The following TMBIM6 variants were observed in gnomAD, a reference collection of about 807,000 sequenced individuals.
TMBIM6 encodes the protein transmembrane BAX inhibitor motif containing 6.
In TMBIM6, 13 loss-of-function variants were observed where a neutral mutation model predicts 31.4. The ratio of observed to expected loss-of-function variants is 0.41; its 90% confidence interval spans 0.27 to 0.66. TMBIM6 has a LOEUF of 0.66. Among genes scored for constraint, TMBIM6 ranks in the 30% least tolerant of loss-of-function variants. The pLI, the probability that TMBIM6 is intolerant of heterozygous loss-of-function variation, is 0.28. For synonymous variants in TMBIM6, 85 were observed against 101.7 expected, an observed-to-expected ratio of 0.84 and a Z score of 0.99; for missense variants, 275 against 289.5, an observed-to-expected ratio of 0.95 and a Z score of 0.36.
intron 4 of TMBIM6, among the ~76,000 whole-genome samples, chr12:49,757,638 A>G (rs1945630218): frequency 6.6e-6 from 1 of 152,228 alleles, no homozygotes; most frequent in Non-Finnish European, 1.5e-5. Flanking sequence ...GAAGAGATTT[A>G]GGGATTAAAA....
intron 1 of TMBIM6, chr12:49,742,260 GGA>G: frequency 1.2e-6 from 2 of 1,606,816 alleles, no homozygotes; most frequent in South Asian, 1.1e-5. Context: ...CGCTCTTTTC[GGA>G]TTGGTTACCT....
In TMBIM6 at chr12:49,762,778, C is replaced by G. The variant is rs1945744149; in HGVS notation, c.691-95C>G. ...TTCTCATTTCTTTTTAATTGTCTGG[C>G]TCACTTCTAGTCCCTAACTAAATGC... On this transcript the variant is annotated intron_variant, in intron 9 of 9. Coordinates refer to ENST00000267115, the MANE Select transcript of TMBIM6 (RefSeq NM_003217.3). 3.5e-6 allele frequency: 4 copies of G among 1,130,966 alleles called. No homozygotes were observed. The South Asian group carries it at 5.3e-5, about 15-fold the overall frequency. 70.1% of individuals were successfully genotyped at this position (1,130,966 alleles called of 1,614,324 possible).
At chr12:49,758,816 T>TG in intron 7 of TMBIM6, 54 bp downstream of exon 7, 1 of 1,408,128 alleles carries the variant, frequency 7.1e-7, no homozygotes. Context: ...CTTCTTTCTT[T>TG]CCTTTTTTTT....
At position 49,760,179 on chromosome 12, in the gene TMBIM6, A is replaced by C. The variant is rs537586589; in HGVS notation, c.614+858A>C. Among the ~76,000 whole-genome samples the C allele has an allele frequency of 4.6e-5, 7 of 151,798 alleles. No homozygotes were observed. The East Asian group carries it at 1.4e-3, about 30-fold the overall frequency. Reference sequence around the variant, plus strand: ...TACATATCCATAGTGGCTACCTCCAAGCAGAAGTGAGGGAAAGAGATCTTT... The same window carrying C: ...TACATATCCATAGTGGCTACCTCCACGCAGAAGTGAGGGAAAGAGATCTTT... On this transcript the variant is annotated intron_variant, in intron 8 of 9. Coordinates refer to ENST00000267115, the MANE Select transcript of TMBIM6 (RefSeq NM_003217.3).
chr12:49,742,230 C>G (rs1945309885), intron 1 of TMBIM6: 1 of 1,612,978 alleles, frequency 6.2e-7, no homozygotes, highest in Admixed American at 1.7e-5. Context: ...GGGCTGCCTT[C>G]CAGGCCCACG....
At chr12:49,757,278 G>A (rs534784745) in intron 4 of TMBIM6, among the ~76,000 whole-genome samples, 2 of 152,352 alleles carry the variant, frequency 1.3e-5, no homozygotes, top group East Asian at 3.9e-4. Flanking sequence ...AATAGCCATT[G>A]TGTACTTGAA....
chr12:49,761,150 T>G (rs1167618883), intron 8 of TMBIM6, among the ~76,000 whole-genome samples: 3 of 151,934 alleles, frequency 2.0e-5, no homozygotes, highest in African/African-American at 7.3e-5. Context: ...TTTTTTAATG[T>G]AGTGATTCTC....
chr12:49,746,770 C>CAGAAGA (rs200550544), intron 1 of TMBIM6, among the ~76,000 whole-genome samples: 22 of 151,972 alleles, frequency 1.4e-4, no homozygotes, highest in African/African-American at 2.7e-4. Context: ...GCCAAAAACA[C>CAGAAGA]AGAAGAAGAA....
At chr12:49,747,425 C>T (rs796743720) in intron 1 of TMBIM6, among the ~76,000 whole-genome samples, 3 of 152,108 alleles carry the variant, frequency 2.0e-5, no homozygotes, top group African/African-American at 7.2e-5. Context: ...TCTCCTTCCT[C>T]AGCCTCCCAA....
intron 2 of TMBIM6, 79 bp downstream of exon 2, chr12:49,752,628 T>C (rs1945516468): frequency 1.6e-6 from 2 of 1,247,292 alleles, no homozygotes; most frequent in Non-Finnish European, 1.2e-6. Flanking sequence ...TTTATAACTT[T>C]TGTGTGTATA....
At chr12:49,751,125 A>G (rs1028273085) in intron 1 of TMBIM6, among the ~76,000 whole-genome samples, 2 of 152,200 alleles carry the variant, frequency 1.3e-5, no homozygotes, top group African/African-American at 4.8e-5. Context: ...TGCATGTGAA[A>G]TAGGGGAGGG....
chr12:49,758,817 C>G (rs1945657622), intron 7 of TMBIM6, 55 bp downstream of exon 7: 1 of 1,344,858 alleles, frequency 7.4e-7, no homozygotes, highest in Non-Finnish European at 1.0e-6. Context: ...TTCTTTCTTT[C>G]CTTTTTTTTT....
intron 1 of TMBIM6, among the ~76,000 whole-genome samples, chr12:49,743,747 A>G (rs898715561): frequency 6.6e-6 from 1 of 152,204 alleles, no homozygotes; most frequent in Admixed American, 6.5e-5. Context: ...TTGAAAGCTT[A>G]TATAAATGAA....
chr12:49,742,123 C>G (rs750678951), intron 1 of TMBIM6: 1 of 1,608,510 alleles, frequency 6.2e-7, no homozygotes, highest in South Asian at 1.1e-5. Flanking sequence ...GAGGTAGGGC[C>G]TGGCGGGCGG....
chr12:49,746,537 A>C (rs1945397452), intron 1 of TMBIM6, among the ~76,000 whole-genome samples: 1 of 152,178 alleles, frequency 6.6e-6, no homozygotes, highest in Admixed American at 6.5e-5. Flanking sequence ...CTAATCTGCA[A>C]CCTTAGGAAA....
Position 49,746,080 on chromosome 12 carries a change from C to CTT in TMBIM6, c.-31+4481_-31+4482dup, listed in dbSNP as rs552800208. On this transcript the variant is annotated intron_variant, in intron 1 of 9. Coordinates refer to ENST00000267115, the MANE Select transcript of TMBIM6 (RefSeq NM_003217.3). Reference sequence around the variant, plus strand: ...TTCAGTTTATAATTTTCTTTTCTCTCTTTTTTTTTTTTTCTTTTTTGAGAC... The same window carrying CTT: ...TTCAGTTTATAATTTTCTTTTCTCTCTTTTTTTTTTTTTTTCTTTTTTGAGAC... 1.3e-4 allele frequency among the ~76,000 whole-genome samples: 18 copies of CTT among 143,900 alleles called. No individual in the cohort carries two copies. The East Asian group carries it at 1.4e-3, about 11-fold the overall frequency. 94.4% of individuals were successfully genotyped at this position (143,900 alleles called of 152,430 possible). A position where few individuals can be genotyped will look rare whatever the true frequency, so the allele number is the denominator to read the frequency against.
At chr12:49,744,972 T>C (rs549447028) in intron 1 of TMBIM6, among the ~76,000 whole-genome samples, 50 of 152,284 alleles carry the variant, frequency 3.3e-4, no homozygotes, top group African/African-American at 1.2e-3. Context: ...CTGAAGGCAG[T>C]AGGCATTTCA....
intron 1 of TMBIM6, chr12:49,742,719 A>G (rs1592718287): frequency 6.5e-6 from 1 of 155,032 alleles, no homozygotes; most frequent in Non-Finnish European, 1.4e-5. Context: ...GGAATTGCAT[A>G]AACACATTTC....
chr12:49,742,179 A>C, intron 1 of TMBIM6: 1 of 1,613,502 alleles, frequency 6.2e-7, no homozygotes, highest in Middle Eastern at 1.7e-4. Flanking sequence ...TCAGTTACTT[A>C]GCCAACGGCA....
Sources: gnomAD v4.1 joint callset for allele counts (sites outside exome capture counted in the v4.1 genomes callset) on GRCh38, gnomAD v4.1.1 for gene constraint, MANE v1.5 for transcripts, NCBI Gene and HGNC (gene_info 2026-07-23, HGNC 2026-07-21) for gene names.